The following ABCC4 variants were observed in gnomAD, a reference collection of about 807,000 sequenced individuals.
The protein encoded by ABCC4 is ATP-binding cassette sub-family C member 4.
Under a neutral mutation model 168.5 loss-of-function variants are expected in ABCC4, and 102 were observed. The ratio of observed to expected loss-of-function variants is 0.61; its 90% confidence interval spans 0.52 to 0.71. The LOEUF is 0.71. Ranked by LOEUF, ABCC4 falls within the 30% of genes least tolerant of loss-of-function variation. The pLI, the probability that ABCC4 is intolerant of heterozygous loss-of-function variation, is 0.00. For missense variants in ABCC4, 1,402 were observed against 1,605.8 expected (o/e 0.87, Z 2.17); for synonymous variants, 617 against 590.7 (o/e 1.04, Z -0.65).
chr13:95,282,999 C>T (rs1035286243), intron 1 of ABCC4, among the ~76,000 whole-genome samples: 4 of 151,762 alleles, frequency 2.6e-5, no homozygotes, highest in African/African-American at 9.7e-5. Context: ...AGGTGGATCA[C>T]AAGGTCAGGA....
At chr13:95,129,799 G>A (rs1242212933) in intron 19 of ABCC4, among the ~76,000 whole-genome samples, 2 of 152,032 alleles carry the variant, frequency 1.3e-5, no homozygotes, top group African/African-American at 4.8e-5. Context: ...AACAGGCCAG[G>A]CGCAGTGGCT....
intron 4 of ABCC4, among the ~76,000 whole-genome samples, chr13:95,217,275 C>T (rs2039142855): frequency 6.6e-6 from 1 of 152,048 alleles, no homozygotes; most frequent in Non-Finnish European, 1.5e-5. Context: ...TCAGTGTGGC[C>T]ACATAAATAT....
intron 29 of ABCC4, chr13:95,043,465 T>C (rs2032446020): frequency 2.2e-6 from 1 of 454,478 alleles, no homozygotes; most frequent in African/African-American, 1.9e-5. Flanking sequence ...TTTTAACATA[T>C]GATTTTTGCA....
At chr13:95,075,308 A>C (rs924961705) in intron 22 of ABCC4, 124 bp downstream of exon 22, 5 of 1,335,738 alleles carry the variant, frequency 3.7e-6, no homozygotes, top group Non-Finnish European at 5.2e-6. Flanking sequence ...GAAGATGCGC[A>C]AAAAAAGCAG....
chr13:95,257,034 AC>A (rs1281092089), intron 1 of ABCC4, among the ~76,000 whole-genome samples: 1 of 152,144 alleles, frequency 6.6e-6, no homozygotes, highest in African/African-American at 2.4e-5. Context: ...TGGGGTGCCA[AC>A]CCCCTGTGCA....
intron 1 of ABCC4, among the ~76,000 whole-genome samples, chr13:95,269,836 CAAGAA>C (rs1238560214): frequency 6.6e-6 from 1 of 151,830 alleles, no homozygotes; most frequent in Non-Finnish European, 1.5e-5. Flanking sequence ...TGGGGTTTTG[CAAGAA>C]AAGAAAAGAA....
intron 13 of ABCC4, among the ~76,000 whole-genome samples, chr13:95,174,115 T>C (rs544396485): frequency 1.4e-4 from 21 of 152,304 alleles, no homozygotes; most frequent in African/African-American, 4.6e-4. Context: ...GTCTGAGAAT[T>C]TGAGGCTTTC....
chr13:95,278,831 A>C (rs1455699374), intron 1 of ABCC4, among the ~76,000 whole-genome samples: 2 of 150,940 alleles, frequency 1.3e-5, no homozygotes, highest in South Asian at 2.1e-4. Flanking sequence ...AAAAAAAAAA[A>C]AACACAGACT....
chr13:95,245,113 C>T (rs1282433431), intron 3 of ABCC4, among the ~76,000 whole-genome samples: 1 of 152,174 alleles, frequency 6.6e-6, no homozygotes. Context: ...CACTGTAGTC[C>T]AGTCACCATC....
chr13:95,191,913 G>A (rs2038263831), intron 9 of ABCC4, among the ~76,000 whole-genome samples: 1 of 152,248 alleles, frequency 6.6e-6, no homozygotes, highest in African/African-American at 2.4e-5. Context: ...CTGGGACCCA[G>A]CACTGGTGGG....
At chr13:95,177,016 G>A (rs2037726119) in intron 13 of ABCC4, among the ~76,000 whole-genome samples, 1 of 152,220 alleles carries the variant, frequency 6.6e-6, no homozygotes, top group Non-Finnish European at 1.5e-5. Context: ...CCACGTAAGA[G>A]TTGGGAGGGA....
At chr13:95,190,607 G>A (rs906875441) in intron 9 of ABCC4, among the ~76,000 whole-genome samples, 1 of 152,154 alleles carries the variant, frequency 6.6e-6, no homozygotes. Flanking sequence ...GAGAGGAATG[G>A]TTTTAAATTC....
Position 95,172,620 on chromosome 13 carries a change from GGAGGT to G in ABCC4, c.1728-1997_1728-1993del, listed in dbSNP as rs2037518371. On this transcript the variant is annotated intron_variant, in intron 13 of 30. Coordinates refer to ENST00000645237, the MANE Select transcript of ABCC4 (RefSeq NM_005845.5). ...ATTAAGAGCTGACACATACAATGTT[GGAGGT>G]GACACAAGTGAGAAAGATATAGTCA... Among the ~76,000 whole-genome samples, 2 of 151,414 alleles carry G rather than the reference GGAGGT, an allele frequency of 1.3e-5. 1 individual carries two copies. The highest frequency in any genetic ancestry group is 4.2e-4 in the South Asian group (2 of 4,790).
chr13:95,141,390 C>G (rs1209344097), intron 19 of ABCC4, among the ~76,000 whole-genome samples: 3 of 152,006 alleles, frequency 2.0e-5, no homozygotes, highest in African/African-American at 7.3e-5. Flanking sequence ...TGTTTTTGCC[C>G]AAAATTTGTC....
At chr13:95,111,665 T>C (rs138185546) in intron 20 of ABCC4, among the ~76,000 whole-genome samples, 2 of 152,322 alleles carry the variant, frequency 1.3e-5, no homozygotes, top group African/African-American at 2.4e-5. Flanking sequence ...CTGCAATGAG[T>C]GCCAACATCT....
At chr13:95,084,709 A>G (rs2034201066) in intron 20 of ABCC4, among the ~76,000 whole-genome samples, 1 of 152,180 alleles carries the variant, frequency 6.6e-6, no homozygotes, top group African/African-American at 2.4e-5. Flanking sequence ...TCAAACGTCT[A>G]TTTCAGAGGC....
At chr13:95,240,163 A>G (rs1351232879) in intron 3 of ABCC4, among the ~76,000 whole-genome samples, 1 of 152,216 alleles carries the variant, frequency 6.6e-6, no homozygotes, top group African/African-American at 2.4e-5. Context: ...GTAGAGGGTC[A>G]CAAGAGGGGA....
chr13:95,156,834 T>A (rs1203569484), intron 19 of ABCC4, among the ~76,000 whole-genome samples: 1 of 152,132 alleles, frequency 6.6e-6, no homozygotes, highest in Non-Finnish European at 1.5e-5. Flanking sequence ...AGCTCACGCC[T>A]GTAATCCCAG....
chr13:95,075,600 A>T, intron 21 of ABCC4, 49 bp from the exon 22 acceptor site: 2 of 1,610,108 alleles, frequency 1.2e-6, no homozygotes, highest in Non-Finnish European at 1.7e-6. Flanking sequence ...GGTGCAGAAA[A>T]ACCTGCGGCC....
Sources: allele counts gnomAD v4.1 joint callset (sites outside exome capture counted in the v4.1 genomes callset), GRCh38; gene constraint gnomAD v4.1.1; transcripts MANE v1.5; gene names NCBI Gene and HGNC (gene_info 2026-07-23, HGNC 2026-07-21).